Variants in KIAA1958 observed in about 807,000 individuals in gnomAD.
KIAA1958 encodes the protein KIAA1958.
A neutral mutation model predicts 47.2 loss-of-function variants in KIAA1958; 14 were observed. The observed-to-expected ratio is 0.30, with a 90% CI of 0.20 to 0.46. The LOEUF is 0.46. KIAA1958 is among the 20% of genes least tolerant of loss of function. KIAA1958 has a pLI of 1.00. For missense variants in KIAA1958, 803 were observed against 909.2 expected (o/e 0.88, Z 1.50); for synonymous variants, 354 against 353.3 (o/e 1.00, Z -0.02).
intron 2 of KIAA1958, among the ~76,000 whole-genome samples, chr9:112,581,527 C>T (rs1291485241): frequency 6.6e-6 from 1 of 152,132 alleles, no homozygotes; most frequent in African/African-American, 2.4e-5. Context: ...GCTGTGTCTG[C>T]CCAGCCTCCC....
chr9:112,627,202 T>C (rs1470046925), intron 2 of KIAA1958, among the ~76,000 whole-genome samples: 1 of 152,192 alleles, frequency 6.6e-6, no homozygotes, highest in Non-Finnish European at 1.5e-5. Flanking sequence ...TTCCGAGCTC[T>C]TTGAAAGCAA....
chr9:112,655,471 G>T (rs944123870), intron 3 of KIAA1958, among the ~76,000 whole-genome samples: 1 of 152,144 alleles, frequency 6.6e-6, no homozygotes, highest in Non-Finnish European at 1.5e-5. Context: ...ATCCCCCCTT[G>T]TTTTGATGCA....
chr9:112,653,386 T>C (rs75465135), intron 3 of KIAA1958, among the ~76,000 whole-genome samples: 4 of 152,128 alleles, frequency 2.6e-5, no homozygotes, highest in South Asian at 2.1e-4. Flanking sequence ...CTCAAAAATA[T>C]AGGGACCTAA....
intron 1 of KIAA1958, among the ~76,000 whole-genome samples, chr9:112,543,523 T>C (rs1336766375): frequency 1.3e-5 from 2 of 151,834 alleles, no homozygotes; most frequent in African/African-American, 4.8e-5. Flanking sequence ...AAATGCTTAA[T>C]TTTATCATTA....
At chr9:112,606,191 T>C (rs1564188624) in intron 2 of KIAA1958, among the ~76,000 whole-genome samples, 1 of 152,122 alleles carries the variant, frequency 6.6e-6, no homozygotes, top group East Asian at 1.9e-4. Flanking sequence ...GGGTAGGTGG[T>C]GGAAACACTG....
intron 1 of KIAA1958, among the ~76,000 whole-genome samples, chr9:112,570,443 A>G (rs1564175782): frequency 6.6e-6 from 1 of 152,198 alleles, no homozygotes; most frequent in Non-Finnish European, 1.5e-5. Flanking sequence ...TGGTCTACAG[A>G]TTTTGTAAGT....
intron 1 of KIAA1958, among the ~76,000 whole-genome samples, chr9:112,523,137 T>TCTCAA (rs2132798653): frequency 1.3e-5 from 2 of 152,328 alleles, no homozygotes; most frequent in South Asian, 4.2e-4. Context: ...TATGATTCCT[T>TCTCAA]ATTTGAGAAG....
At chr9:112,527,975 G>T (rs1276454729) in intron 1 of KIAA1958, among the ~76,000 whole-genome samples, 4 of 151,350 alleles carry the variant, frequency 2.6e-5, no homozygotes, top group East Asian at 3.9e-4. Flanking sequence ...GAGTTAAAAG[G>T]CCTGGCCATT....
chr9:112,550,379 C>T (rs962716789), intron 1 of KIAA1958, among the ~76,000 whole-genome samples: 2 of 152,160 alleles, frequency 1.3e-5, no homozygotes, highest in Non-Finnish European at 2.9e-5. Flanking sequence ...GTGTCCCCTA[C>T]AGATTCTGTT....
intron 1 of KIAA1958, among the ~76,000 whole-genome samples, chr9:112,518,867 GA>G (rs200307410): frequency 0.019 from 2,610 of 135,250 alleles, 61 homozygotes; most frequent in Admixed American, 0.074. Flanking sequence ...GGGAGCTAAA[GA>G]AAAAAAAAAA....
At chr9:112,588,931 C>T (rs193279262) in intron 2 of KIAA1958, among the ~76,000 whole-genome samples, 38 of 151,726 alleles carry the variant, frequency 2.5e-4, no homozygotes, top group African/African-American at 8.7e-4. Context: ...CTGAAAATTT[C>T]TTTCCTCTAA....
chr9:112,600,768 G>A (rs533882602), intron 2 of KIAA1958, among the ~76,000 whole-genome samples: 15 of 152,258 alleles, frequency 9.9e-5, no homozygotes, highest in South Asian at 4.1e-4. Context: ...GGAGGAGCTC[G>A]GGCTAGGTAG....
At chr9:112,608,010 T>A (rs1836266532) in intron 2 of KIAA1958, among the ~76,000 whole-genome samples, 1 of 152,194 alleles carries the variant, frequency 6.6e-6, no homozygotes, top group East Asian at 1.9e-4. Context: ...AAATACTATT[T>A]GAATAAGCTG....
chr9:112,511,172 A>C (rs1386443423), intron 1 of KIAA1958, among the ~76,000 whole-genome samples: 1 of 152,160 alleles, frequency 6.6e-6, no homozygotes, highest in Non-Finnish European at 1.5e-5. Context: ...GAGAGTAAAT[A>C]TGGATTTGAG....
chr9:112,545,210 A>C (rs1221751374), intron 1 of KIAA1958, among the ~76,000 whole-genome samples: 1 of 152,218 alleles, frequency 6.6e-6, no homozygotes, highest in Non-Finnish European at 1.5e-5. Context: ...TGCAGAAAAT[A>C]AAATGTGTAC....
chr9:112,575,605 G>T (rs1835631752), intron 2 of KIAA1958, among the ~76,000 whole-genome samples: 1 of 152,040 alleles, frequency 6.6e-6, no homozygotes, highest in Admixed American at 6.6e-5. Flanking sequence ...GTGTTTAGTT[G>T]CTGTTTGAAG....
intron 1 of KIAA1958, among the ~76,000 whole-genome samples, chr9:112,550,520 A>G (rs1390240397): frequency 1.3e-5 from 2 of 152,132 alleles, no homozygotes; most frequent in African/African-American, 2.4e-5. Context: ...CACTAAAAGG[A>G]CTCACAGAAC....
intron 1 of KIAA1958, among the ~76,000 whole-genome samples, chr9:112,569,154 G>C (rs1450195562): frequency 3.3e-5 from 5 of 151,846 alleles, no homozygotes; most frequent in Admixed American, 3.3e-4. Flanking sequence ...TTCTATATGT[G>C]GTACTGTTCT....
intron 1 of KIAA1958, among the ~76,000 whole-genome samples, chr9:112,573,619 G>A (rs1261035238): frequency 1.3e-5 from 2 of 152,138 alleles, no homozygotes; most frequent in Non-Finnish European, 2.9e-5. Flanking sequence ...AGTTTCTGAT[G>A]ACAAAGGGTG....
Sources: gnomAD v4.1 joint callset for allele counts (sites outside exome capture counted in the v4.1 genomes callset) on GRCh38, gnomAD v4.1.1 for gene constraint, MANE v1.5 for transcripts, NCBI Gene and HGNC (gene_info 2026-07-23, HGNC 2026-07-21) for gene names.